The following CNTLN variants were observed in gnomAD, a reference collection of about 807,000 sequenced individuals.
The protein encoded by CNTLN is centlein, centrosomal protein.
CNTLN carries 212 observed loss-of-function variants against 180.0 expected under a neutral mutation model. The ratio of observed to expected loss-of-function variants is 1.18; its 90% CI spans 1.05 to 1.32. CNTLN has a LOEUF of 1.32. Among genes scored for constraint, CNTLN ranks in the 40% most tolerant of loss-of-function variants. CNTLN has a pLI of 0.00. For synonymous variants in CNTLN, 722 were observed against 563.1 expected (o/e 1.28, Z -3.99); for missense variants, 2,095 against 1,610.9 (o/e 1.30, Z -5.14).
chr9:17,509,584 C>CT, the CNTLN span, among the ~76,000 whole-genome samples: 1 of 152,148 alleles, frequency 6.6e-6, no homozygotes, highest in Non-Finnish European at 1.5e-5. Flanking sequence ...CTTTTGAAGA[C>CT]TGTTACAGTG....
chr9:17,319,096 A>G (rs1359460939), intron 8 of CNTLN, among the ~76,000 whole-genome samples: 1 of 152,232 alleles, frequency 6.6e-6, no homozygotes, highest in African/African-American at 2.4e-5. Context: ...TATGGAGAGG[A>G]AGGGATTACC....
intron 2 of CNTLN, among the ~76,000 whole-genome samples, chr9:17,203,619 C>T (rs148245397): frequency 0.041 from 6,218 of 152,174 alleles, 180 homozygotes; most frequent in South Asian, 0.14. Flanking sequence ...TGCAGTGGCG[C>T]GATCTCGGCT....
chr9:17,234,906 A>G (rs946668969), intron 3 of CNTLN, among the ~76,000 whole-genome samples: 9 of 152,198 alleles, frequency 5.9e-5, no homozygotes, highest in African/African-American at 2.2e-4. Context: ...GAGATAGTAG[A>G]CAATCCAAAG....
intron 13 of CNTLN, among the ~76,000 whole-genome samples, chr9:17,382,634 A>C (rs187890150): frequency 6.6e-6 from 1 of 152,208 alleles, no homozygotes; most frequent in South Asian, 2.1e-4. Context: ...GAGAATAACA[A>C]AAATTGTTCT....
At chr9:17,203,786 G>A (rs200529113) in intron 2 of CNTLN, among the ~76,000 whole-genome samples, 7 of 152,150 alleles carry the variant, frequency 4.6e-5, no homozygotes, top group East Asian at 1.9e-4. Context: ...CTTGATCTCC[G>A]GACCTCGTGA....
chr9:17,506,446 G>A (rs1391099856), downstream of CNTLN, among the ~76,000 whole-genome samples: 1 of 152,076 alleles, frequency 6.6e-6, no homozygotes, highest in Non-Finnish European at 1.5e-5. Context: ...TATATCCTGG[G>A]AAATTATGAA....
chr9:17,397,555 G>C (rs980759747), intron 15 of CNTLN, among the ~76,000 whole-genome samples: 3 of 152,148 alleles, frequency 2.0e-5, no homozygotes, highest in African/African-American at 7.2e-5. Context: ...GTTTTCACCG[G>C]CTTCTTTACT....
Position 17,385,616 on chromosome 9 carries a change from A to C in CNTLN, c.1988-2546A>C, listed in dbSNP as rs566857889. On this transcript the variant is annotated intron_variant, in intron 13 of 25. Transcript: ENST00000380647. ...CAAATACAGTGGACCCTCTGTATCCACGGGTTCCACATCCCTGGATTCAAC... is the reference window on the plus strand; with the variant it reads ...CAAATACAGTGGACCCTCTGTATCCCCGGGTTCCACATCCCTGGATTCAAC... Among the ~76,000 whole-genome samples the C allele has an allele frequency of 1.9e-3, 282 of 152,274 alleles. 1 individual carries two copies. Among genetic ancestry groups the C allele is most frequent in the African/African-American group, 6.3e-3 (263 of 41,568 alleles).
chr9:17,196,575 T>A (rs1408195911), intron 2 of CNTLN, among the ~76,000 whole-genome samples: 1 of 151,928 alleles, frequency 6.6e-6, no homozygotes, highest in Non-Finnish European at 1.5e-5. Context: ...ACTGAAGACT[T>A]TAAAAAATAA....
intron 5 of CNTLN, among the ~76,000 whole-genome samples, chr9:17,266,077 C>T (rs921234317): frequency 1.4e-4 from 22 of 151,888 alleles, no homozygotes; most frequent in Admixed American, 9.2e-4. Context: ...TTGCCTTCTG[C>T]TAGCTTTTGA....
At chr9:17,264,836 CTGTT>C (rs1188712540) in intron 5 of CNTLN, among the ~76,000 whole-genome samples, 1 of 151,664 alleles carries the variant, frequency 6.6e-6, no homozygotes, top group Non-Finnish European at 1.5e-5. Flanking sequence ...ATTTGGCTCT[CTGTT>C]TGTCTGTTGT....
intron 23 of CNTLN, among the ~76,000 whole-genome samples, chr9:17,483,524 C>A (rs77497039): frequency 0.032 from 4,807 of 152,254 alleles, 258 homozygotes; most frequent in African/African-American, 0.11. Context: ...ATTGCTTGTG[C>A]TAACAAAAGA....
At chr9:17,396,289 C>T (rs116037951) in intron 15 of CNTLN, among the ~76,000 whole-genome samples, 1,594 of 152,270 alleles carry the variant, frequency 0.01, 30 homozygotes, top group African/African-American at 0.037. Flanking sequence ...ACTGTGGACT[C>T]GCCCTGAATT....
intron 8 of CNTLN, among the ~76,000 whole-genome samples, chr9:17,322,553 T>TTAAG (rs1819989585): frequency 1.3e-5 from 2 of 152,158 alleles, no homozygotes; most frequent in African/African-American, 4.8e-5. Context: ...GCAACTCAAC[T>TTAAG]TTAACTACTC....
chr9:17,213,190 T>C (rs1823463991), intron 2 of CNTLN, among the ~76,000 whole-genome samples: 1 of 152,218 alleles, frequency 6.6e-6, no homozygotes, highest in African/African-American at 2.4e-5. Context: ...CCTGTGGACA[T>C]TTAGTGCTAT....
intron 10 of CNTLN, among the ~76,000 whole-genome samples, chr9:17,338,664 C>T (rs1469369622): frequency 6.6e-6 from 1 of 151,978 alleles, no homozygotes; most frequent in Non-Finnish European, 1.5e-5. Context: ...ACATACTTAA[C>T]AATAGAAAGC....
intron 8 of CNTLN, among the ~76,000 whole-genome samples, chr9:17,320,795 G>C (rs1393862334): frequency 2.0e-5 from 3 of 152,166 alleles, no homozygotes; most frequent in African/African-American, 7.2e-5. Flanking sequence ...AAGCCACCGT[G>C]TCTGGCCTCA....
intron 24 of CNTLN, among the ~76,000 whole-genome samples, chr9:17,485,674 A>G (rs1466567547): frequency 6.6e-6 from 1 of 152,044 alleles, no homozygotes; most frequent in Non-Finnish European, 1.5e-5. Context: ...TAAAACACAC[A>G]GATTTAGCAC....
At chr9:17,498,439 A>G (rs1833572719) in intron 25 of CNTLN, among the ~76,000 whole-genome samples, 1 of 152,176 alleles carries the variant, frequency 6.6e-6, no homozygotes, top group African/African-American at 2.4e-5. Context: ...TATATGTCAG[A>G]GAAGCTAAAA....
Sources: gnomAD v4.1 joint callset for allele counts (sites outside exome capture counted in the v4.1 genomes callset) on GRCh38, gnomAD v4.1.1 for gene constraint, MANE v1.5 for transcripts, NCBI Gene and HGNC (gene_info 2026-07-23, HGNC 2026-07-21) for gene names.